Variants in B3GALT1 observed in about 807,000 individuals in gnomAD.
The protein encoded by B3GALT1 is beta-1,3-galactosyltransferase 1.
A neutral mutation model predicts 23.2 loss-of-function variants in B3GALT1; 10 were observed. The ratio of observed to expected loss-of-function variants is 0.43; its 90% CI spans 0.27 to 0.73. The LOEUF (loss-of-function observed/expected upper bound fraction) is 0.73, where lower values mean the gene tolerates loss of function less well. Ranked by LOEUF, B3GALT1 falls within the 30% of genes least tolerant of loss-of-function variation. The pLI, the probability that B3GALT1 is intolerant of heterozygous loss-of-function variation, is 0.21. For missense variants in B3GALT1, 299 were observed against 405.4 expected, an observed-to-expected ratio of 0.74 and a Z score of 2.25; for synonymous variants, 156 against 141.5, an observed-to-expected ratio of 1.10 and a Z score of -0.73.
intron 2 of B3GALT1, among the ~76,000 whole-genome samples, chr2:167,534,018 C>G (rs1242973178): frequency 6.6e-6 from 1 of 151,974 alleles, no homozygotes; most frequent in Non-Finnish European, 1.5e-5. Context: ...GATAATTATT[C>G]ATTTTTGGTA....
intron 2 of B3GALT1, among the ~76,000 whole-genome samples, chr2:167,569,404 C>T (rs1021852357): frequency 6.6e-6 from 1 of 151,742 alleles, no homozygotes; most frequent in African/African-American, 2.4e-5. Flanking sequence ...TCATATGGAT[C>T]TTATACAATT....
intron 1 of B3GALT1, among the ~76,000 whole-genome samples, chr2:167,372,380 A>C (rs1373758497): frequency 6.6e-6 from 1 of 152,106 alleles, no homozygotes; most frequent in Admixed American, 6.5e-5. Context: ...AAATCTGTGA[A>C]AGACCTGTAA....
At chr2:167,731,691 G>T (rs1687413007) in intron 3 of B3GALT1, among the ~76,000 whole-genome samples, 1 of 151,726 alleles carries the variant, frequency 6.6e-6, no homozygotes, top group Middle Eastern at 3.2e-3. Flanking sequence ...TTTTACTGCA[G>T]GCATCTCCCA....
intron 1 of B3GALT1, among the ~76,000 whole-genome samples, chr2:167,458,169 A>C (rs1445201474): frequency 6.6e-6 from 1 of 152,136 alleles, no homozygotes; most frequent in East Asian, 1.9e-4. Context: ...CTTTTTGTCT[A>C]TATGATTTTG....
chr2:167,298,001 A>G (rs1438346892), intron 1 of B3GALT1, among the ~76,000 whole-genome samples: 2 of 152,180 alleles, frequency 1.3e-5, no homozygotes, highest in Non-Finnish European at 2.9e-5. Flanking sequence ...GAATGCATTC[A>G]GCACTCATTT....
intron 3 of B3GALT1, among the ~76,000 whole-genome samples, chr2:167,729,650 A>G (rs1270456713): frequency 1.3e-5 from 2 of 152,074 alleles, no homozygotes; most frequent in African/African-American, 4.8e-5. Flanking sequence ...TCATTCTTCA[A>G]CGTGTTTCCC....
intron 1 of B3GALT1, among the ~76,000 whole-genome samples, chr2:167,440,566 T>C (rs1698864940): frequency 6.6e-6 from 1 of 152,038 alleles, no homozygotes; most frequent in African/African-American, 2.4e-5. Context: ...CAAGTATGAT[T>C]CAGCACATTT....
At chr2:167,812,794 C>T (rs1464727220) in intron 3 of B3GALT1, among the ~76,000 whole-genome samples, 1 of 152,088 alleles carries the variant, frequency 6.6e-6, no homozygotes, top group Non-Finnish European at 1.5e-5. Context: ...GGGCTCCAGG[C>T]TACATTCCTT....
chr2:167,651,405 C>A (rs1685864549), intron 3 of B3GALT1, among the ~76,000 whole-genome samples: 1 of 151,964 alleles, frequency 6.6e-6, no homozygotes, highest in African/African-American at 2.4e-5. Flanking sequence ...CTTCTGATAA[C>A]TTAACATCTT....
rs530974193 is a variant in B3GALT1 at position 167,800,188 on chromosome 2, C to T, written c.-351-18484C>T. On this transcript the variant is annotated intron_variant, in intron 3 of 4. Coordinates refer to ENST00000392690, the MANE Select transcript of B3GALT1 (RefSeq NM_020981.4). ...TCTAATGCAGTCCAATTAAACTTTT[C>T]CCATCATTTTATTTCGTGGACATAA... Among the ~76,000 whole-genome samples, 17 of 152,288 alleles carry T rather than the reference C, an allele frequency of 1.1e-4. 1 individual carries two copies. The South Asian group carries it at 3.5e-3, about 32-fold the overall frequency.
intron 2 of B3GALT1, among the ~76,000 whole-genome samples, chr2:167,639,368 A>G (rs1343551168): frequency 6.6e-6 from 1 of 151,946 alleles, no homozygotes; most frequent in Non-Finnish European, 1.5e-5. Flanking sequence ...ACATTTTAGT[A>G]ATGAGTTTGT....
chr2:167,304,922 G>A (rs756125872), intron 1 of B3GALT1, among the ~76,000 whole-genome samples: 2 of 152,110 alleles, frequency 1.3e-5, no homozygotes, highest in Non-Finnish European at 2.9e-5. Context: ...GTCCAAGGAC[G>A]GGAGAAGATA....
intron 1 of B3GALT1, among the ~76,000 whole-genome samples, chr2:167,395,772 A>T (rs1698084452): frequency 6.6e-6 from 1 of 152,018 alleles, no homozygotes; most frequent in African/African-American, 2.4e-5. Context: ...CAAGAAGATA[A>T]TTCATACTTC....
chr2:167,514,416 G>A (rs1700071597), intron 2 of B3GALT1, among the ~76,000 whole-genome samples: 1 of 152,132 alleles, frequency 6.6e-6, no homozygotes, highest in Non-Finnish European at 1.5e-5. Flanking sequence ...TCAGACAGCT[G>A]TAATATCCTA....
At chr2:167,441,899 T>A (rs1016662561) in intron 1 of B3GALT1, among the ~76,000 whole-genome samples, 1 of 151,880 alleles carries the variant, frequency 6.6e-6, no homozygotes, top group African/African-American at 2.4e-5. Flanking sequence ...TTTATTATAC[T>A]TTAAGTTTTA....
intron 3 of B3GALT1, among the ~76,000 whole-genome samples, chr2:167,705,232 T>G (rs552500401): frequency 1.1e-4 from 17 of 152,308 alleles, no homozygotes; most frequent in African/African-American, 4.1e-4. Flanking sequence ...GCCACTGACT[T>G]GTGGGGTGAT....
In B3GALT1 at chr2:167,871,558, T is replaced by G. The variant is rs1690345840; in HGVS notation, c.*1538T>G. The stretch of plus-strand genomic sequence containing the variant: ...CTTCTGGTTTCAATGAATAAGTGAC[T>G]AGGTCAGTGTGTTGCCTTGATATCC... On this transcript the variant is annotated 3_prime_UTR_variant, in exon 5 of 5. Coordinates refer to ENST00000392690, the MANE Select transcript of B3GALT1 (RefSeq NM_020981.4). 6.6e-6 allele frequency: 1 copy of G among 152,212 alleles called. No homozygotes were observed. The highest frequency in any genetic ancestry group is 2.4e-5 in the African/African-American group (1 of 41,450). The allele number at this position is 152,212 out of a possible 1,614,324, so 9.4% of individuals were successfully genotyped here. A position where few individuals can be genotyped will look rare whatever the true frequency, so the allele number is the denominator to read the frequency against.
chr2:167,621,058 A>G (rs1001069914), intron 2 of B3GALT1, among the ~76,000 whole-genome samples: 4 of 149,152 alleles, frequency 2.7e-5, no homozygotes, highest in South Asian at 2.1e-4. Context: ...TGGGATATTT[A>G]TGAAGTTCCC....
chr2:167,742,259 T>C (rs1198630782), intron 3 of B3GALT1, among the ~76,000 whole-genome samples: 2 of 152,202 alleles, frequency 1.3e-5, no homozygotes, highest in Non-Finnish European at 2.9e-5. Context: ...TGCTTCACCA[T>C]TATTGTTTGC....
Sources: allele counts gnomAD v4.1 joint callset (sites outside exome capture counted in the v4.1 genomes callset), GRCh38; gene constraint gnomAD v4.1.1; transcripts MANE v1.5; gene names NCBI Gene and HGNC (gene_info 2026-07-23, HGNC 2026-07-21).